GPR50: variants seen among roughly 807,000 people sequenced by gnomAD.
GPR50 encodes the protein melatonin-related receptor.
Under a neutral mutation model 2.6 loss-of-function variants are expected in GPR50, and 1 was observed. That is an observed-to-expected ratio of 0.38 (90% confidence interval 0.13 to 1.79). The LOEUF is 1.79. GPR50 is among the 40% of genes most tolerant of loss of function. The pLI is 0.33. For missense variants in GPR50, 535 were observed against 522.1 expected (o/e 1.02, Z -0.24); for synonymous variants, 233 against 202.3 (o/e 1.15, Z -1.29).
intron 1 of GPR50, among the ~76,000 whole-genome samples, 160 bp from the exon 2 acceptor site, chrX:151,179,611 C>G (rs1401712751): frequency 8.9e-6 from 1 of 111,867 alleles, no homozygotes; most frequent in Non-Finnish European, 1.9e-5. Flanking sequence ...GTCTTATGTT[C>G]GCTTCTTTCT....
rs1401712751 is a variant in GPR50, at chrX:151,179,611, C to A, written c.188-160C>A. On this transcript the variant is annotated intron_variant, in intron 1 of 1. Transcript: ENST00000218316. ...TGCTCACTGCTGTCTGTCTTATGTT[C>A]GCTTCTTTCTCAGAGCATTTCTTTA... is the stretch of plus-strand genomic sequence containing the variant. Among the ~76,000 whole-genome samples the A allele has an allele frequency of 1.8e-5, 2 of 111,867 alleles. 1 individual carries two copies. Among genetic ancestry groups the A allele is most frequent in the Admixed American group, 1.9e-4 (2 of 10,594 alleles).
chrX:151,180,906 T>G lies in GPR50; in HGVS notation c.1323T>G (p.Pro441=), dbSNP rs773116451. 3 of 1,211,229 alleles carry G rather than the reference T, an allele frequency of 2.5e-6. No homozygotes were observed. The South Asian group carries it at 5.3e-5, about 21-fold the overall frequency. ...AGTCTGCCACTGTCTACCCTAAGCC[T>G]GCCTCTGTCCATTTCAAGGCTGACT... The part of the protein sequence containing the change: ...HPKSATVYPK[P]ASVHFKADSV... The change falls in exon 2 of 2, where the codon CCT becomes CCG. Residue 441 remains proline (P), a synonymous_variant. Coordinates refer to ENST00000218316, the MANE Select transcript of GPR50 (RefSeq NM_004224.3).
In GPR50 at chrX:151,176,926, C is replaced by G. The variant is rs766233024; in HGVS notation, c.187+18C>G. The G allele has an allele frequency of 4.0e-5, 46 of 1,146,215 alleles. No homozygotes were observed. Among genetic ancestry groups the G allele is most frequent in the African/African-American group, 5.4e-5 (3 of 55,711 alleles). The allele number at this position is 1,146,215 out of a possible 1,213,427, so 94.5% of individuals were successfully genotyped here. On this transcript the variant is annotated intron_variant, in intron 1 of 1. Coordinates refer to ENST00000218316, the MANE Select transcript of GPR50 (RefSeq NM_004224.3). ...GAATTCTGGTAAGCCACCCCTTCTT[C>G]TCCCTACCCAGTGTGCAGAGACTTG...
In GPR50 at chrX:151,176,634, C is replaced by T. The variant is rs761493463; in HGVS notation, c.-88C>T. The T allele has an allele frequency of 7.0e-6, 4 of 569,570 alleles. No individual in the cohort carries two copies. In the East Asian group the frequency reaches 1.1e-4, roughly 16 times the overall value. The allele number at this position is 569,570 out of a possible 1,213,427, so 46.9% of individuals were successfully genotyped here. A position where few individuals can be genotyped will look rare whatever the true frequency, so the allele number is the denominator to read the frequency against. On this transcript the variant is annotated 5_prime_UTR_variant, in exon 1 of 2. Coordinates refer to ENST00000218316, the MANE Select transcript of GPR50 (RefSeq NM_004224.3). ...GAGAGGGAGGCACGCTTTCCTGGAG[C>T]TCCTGGTGACAGAACAGGTGTTTGC... is the stretch of plus-strand genomic sequence containing the variant.
chrX:151,181,835 T>C (rs1393194321), downstream of GPR50, among the ~76,000 whole-genome samples: 1 of 111,616 alleles, frequency 9.0e-6, no homozygotes, highest in Non-Finnish European at 1.9e-5. Flanking sequence ...CCCGAGGGGG[T>C]TGGGAGAGGG....
rs200132458 is a variant in GPR50, at chrX:151,180,764, C to T, written c.1181C>T (p.Ser394Phe). The T allele has an allele frequency of 2.3e-5, 28 of 1,208,490 alleles. No individual in the cohort carries two copies. Among genetic ancestry groups the T allele is most frequent in the Non-Finnish European group, 3.1e-5 (28 of 894,630 alleles). The change falls in exon 2 of 2, where the codon TCT becomes TTT. Residue 394 changes from serine to phenylalanine, a missense_variant. Ser to Phe is a radical substitution (Grantham distance 155, BLOSUM62 -2). Coordinates refer to ENST00000218316, the MANE Select transcript of GPR50 (RefSeq NM_004224.3). ...CCTAAGCCCCATTCCAGATCCTCCT[C>T]TGCCTATCGCAAATCTGCCTCTACC... ...GHPKPHSRSSSAYRKSASTHH... is the reference protein window; with the variant it reads ...GHPKPHSRSSFAYRKSASTHH...
Position 151,180,262 on chromosome X carries a change from G to C in GPR50, c.679G>C (p.Asp227His), listed in dbSNP as rs750061222. Reference sequence around the variant, plus strand: ...CCGTGACCCTGCAGGGCAGAATCCTGACAACCAACTTGCTGAGGTTCGCAA... The same window carrying C: ...CCGTGACCCTGCAGGGCAGAATCCTCACAACCAACTTGCTGAGGTTCGCAA... ...AARDPAGQNP[D>H]NQLAEVRNFL... Residue 227 changes from aspartate to histidine, a missense_variant, in exon 2 of 2, where the codon GAC (aspartate) becomes CAC (histidine). By Grantham distance (81) the Asp-to-His change is moderately conservative. Coordinates refer to ENST00000218316, the MANE Select transcript of GPR50 (RefSeq NM_004224.3). 3.3e-6 allele frequency: 4 copies of C among 1,207,936 alleles called. No individual in the cohort carries two copies. Among genetic ancestry groups the C allele is most frequent in the East Asian group, 5.9e-5 (2 of 33,793 alleles).
intron 1 of GPR50, 49 bp downstream of exon 1, chrX:151,176,957 C>A (rs369832757): frequency 6.1e-5 from 56 of 915,526 alleles, no homozygotes; most frequent in Non-Finnish European, 7.6e-5. Flanking sequence ...ACTTGCAACC[C>A]CTAGGGCGTT....
At chrX:151,182,252 TTA>T (rs2048719056), downstream of GPR50, 1 of 111,812 alleles carries the variant, frequency 8.9e-6, no homozygotes, top group South Asian at 3.8e-4. Context: ...TTTTTTTCAT[TTA>T]GTTCCAGAGA....
At position 151,176,821 on chromosome X, in the gene GPR50, G is replaced by A. The variant is rs1002895906; in HGVS notation, c.100G>A (p.Ala34Thr). ...PPALIIFMFC[A>T]MVITIVVDLI... ...GGCTCTAATCATCTTTATGTTCTGC[G>A]CGATGGTTATCACCATCGTTGTAGA... Residue 34 changes from alanine (A) to threonine (T), a missense_variant, in exon 1 of 2, where the codon GCG becomes ACG. Transcript: ENST00000218316. 13 of 1,199,396 alleles carry A rather than the reference G, an allele frequency of 1.1e-5. 1 individual carries two copies. Among genetic ancestry groups the A allele is most frequent in the African/African-American group, 1.8e-5 (1 of 56,667 alleles).
At chrX:151,182,564 T>G (rs1264154197), downstream of GPR50, 1 of 111,748 alleles carries the variant, frequency 8.9e-6, no homozygotes, top group Non-Finnish European at 1.9e-5. Flanking sequence ...CAATCAATCC[T>G]ACCACACATC....
chrX:151,179,848 A>G lies in GPR50; in HGVS notation c.265A>G (p.Met89Val). The G allele has an allele frequency of 5.8e-6, 7 of 1,209,449 alleles. No homozygotes were observed. Among genetic ancestry groups the G allele is most frequent in the Non-Finnish European group, 7.8e-6 (7 of 893,981 alleles). Residue 89 changes from methionine (M) to valine (V), a missense_variant, in exon 2 of 2, where the codon ATG (methionine) becomes GTG (valine). Coordinates refer to ENST00000218316, the MANE Select transcript of GPR50 (RefSeq NM_004224.3). ...CCCATACCCTTTGATGCTGCATGCC[A>G]TGTCCATTGGGGGCTGGGATCTGAG... ...IYPYPLMLHA[M>V]SIGGWDLSQL...
Position 151,176,808 on chromosome X carries a change from C to G in GPR50, c.87C>G (p.Ile29Met), listed in dbSNP as rs2048681992. 8.3e-7 allele frequency: 1 copy of G among 1,201,204 alleles called. No homozygotes were observed. Among genetic ancestry groups the G allele is most frequent in the Admixed American group, 2.2e-5 (1 of 45,722 alleles). Residue 29 changes from isoleucine (I) to methionine (M), a missense_variant, in exon 1 of 2, where the codon ATC becomes ATG. Physicochemically the swap from Ile to Met is conservative, Grantham distance 10. Transcript: ENST00000218316. The part of the protein sequence containing the change: ...PQPEYPPALI[I>M]FMFCAMVITI... ...CAGAATACCCACCGGCTCTAATCAT[C>G]TTTATGTTCTGCGCGATGGTTATCA...
At chrX:151,177,063 TTC>T (rs1403905228) in intron 1 of GPR50, among the ~76,000 whole-genome samples, 155 bp downstream of exon 1, 1 of 112,166 alleles carries the variant, frequency 8.9e-6, no homozygotes. Context: ...GGTGGTAGTA[TTC>T]TGTCCCGGCC....
At chrX:151,182,751 G>C (rs1225452528), downstream of GPR50, 1 of 112,840 alleles carries the variant, frequency 8.9e-6, no homozygotes, top group Non-Finnish European at 1.9e-5. Flanking sequence ...TTTAAGCAAA[G>C]TTTACTGTAT....
intron 1 of GPR50, among the ~76,000 whole-genome samples, chrX:151,178,587 C>T (rs979624929): frequency 1.8e-5 from 2 of 112,119 alleles, no homozygotes; most frequent in Non-Finnish European, 3.8e-5. Context: ...ATTACTCTGC[C>T]GGAAAACCAT....
At position 151,180,747 on chromosome X, in the gene GPR50, C is replaced by G; in HGVS notation, c.1164C>G (p.Pro388=). The change falls in exon 2 of 2, where the codon CCC becomes CCG. Residue 388 remains proline (P), a synonymous_variant. Transcript: ENST00000218316. Reference sequence around the variant, plus strand: ...ACCGTGCCTCTGGCCACCCTAAGCCCCATTCCAGATCCTCCTCTGCCTATC... The same window carrying G: ...ACCGTGCCTCTGGCCACCCTAAGCCGCATTCCAGATCCTCCTCTGCCTATC... ...HPDRASGHPK[P]HSRSSSAYRK... 20 of 1,210,758 alleles carry G rather than the reference C, an allele frequency of 1.7e-5. No individual in the cohort carries two copies. Among genetic ancestry groups the G allele is most frequent in the Non-Finnish European group, 2.2e-5 (20 of 894,904 alleles).
intron 1 of GPR50, among the ~76,000 whole-genome samples, chrX:151,178,583 C>T (rs946889514): frequency 8.9e-6 from 1 of 112,162 alleles, no homozygotes; most frequent in Non-Finnish European, 1.9e-5. Flanking sequence ...ATTCATTACT[C>T]TGCCGGAAAA....
Position 151,181,026 on chromosome X carries a change from T to A in GPR50, c.1443T>A (p.His481Gln). Residue 481 changes from histidine (H) to glutamine (Q), a missense_variant, in exon 2 of 2, where the codon CAT becomes CAA. Physicochemically the swap from His to Gln is conservative, Grantham distance 24. Coordinates refer to ENST00000218316, the MANE Select transcript of GPR50 (RefSeq NM_004224.3). Reference sequence around the variant, plus strand: ...ACCCCAAGCCCATCACTGGCCACCATGTCTCTGCTGGCAGCCACTCCAAGT... The same window carrying A: ...ACCCCAAGCCCATCACTGGCCACCAAGTCTCTGCTGGCAGCCACTCCAAGT... Reference protein sequence around the residue: ...SSNPKPITGHHVSAGSHSKSA... With the variant: ...SSNPKPITGHQVSAGSHSKSA... 1.7e-6 allele frequency: 2 copies of A among 1,210,939 alleles called. No homozygotes were observed. The highest frequency in any genetic ancestry group is 2.2e-6 in the Non-Finnish European group (2 of 895,077).
Sources: allele counts gnomAD v4.1 joint callset (sites outside exome capture counted in the v4.1 genomes callset), GRCh38; gene constraint gnomAD v4.1.1; transcripts MANE v1.5; gene names NCBI Gene and HGNC (gene_info 2026-07-23, HGNC 2026-07-21).